TMEM183A: variants seen among roughly 807,000 people sequenced by gnomAD.
The protein encoded by TMEM183A is chromosome 1 open reading frame 37.
TMEM183A carries 21 observed loss-of-function variants against 46.7 expected under a neutral mutation model. The ratio of observed to expected loss-of-function variants is 0.45; its 90% CI spans 0.32 to 0.65. TMEM183A has a LOEUF of 0.65. Among genes scored for constraint, TMEM183A ranks in the 30% least tolerant of loss-of-function variants. The probability of loss-of-function intolerance (pLI) is 0.04; values close to 1 mark genes in which losing one functional copy is unlikely to be tolerated. For missense variants in TMEM183A, 331 were observed against 481.9 expected, an observed-to-expected ratio of 0.69 and a Z score of 2.93; for synonymous variants, 165 against 180.2, an observed-to-expected ratio of 0.92 and a Z score of 0.68.
At chr1:203,007,687 C>G in intron 1 of TMEM183A, 87 bp from the exon 2 acceptor site, 2 of 1,575,630 alleles carry the variant, frequency 1.3e-6, no homozygotes, top group South Asian at 1.1e-5. Flanking sequence ...CGGCTCGGTC[C>G]GGGGGCCTGC....
rs1234480241 is a variant in TMEM183A at position 203,016,017 on chromosome 1, G to T, written c.585G>T (p.Lys195Asn). 6.2e-7 allele frequency: 1 copy of T among 1,614,064 alleles called. No homozygotes were observed. Among genetic ancestry groups the T allele is most frequent in the Admixed American group, 1.7e-5 (1 of 60,024 alleles). Residue 195 changes from lysine (K) to asparagine (N), a missense_variant, in exon 5 of 8, where the codon AAG becomes AAT. By Grantham distance (94) the Lys-to-Asn change is moderately conservative. This residue lies in a region of TMEM183A where 233 missense variants were observed against 385.8 expected (regional missense o/e 0.60). Transcript: ENST00000367242. Reference protein sequence around the residue: ...PLRLRPESMEKLRCLRACVIR... With the variant: ...PLRLRPESMENLRCLRACVIR... ...GTCTGCGACCAGAGTCAATGGAGAA[G>T]CTGCGCTGTCTCCGGGCTTGTGTGA...
At chr1:203,021,027 CTTTTTTTT>C in intron 7 of TMEM183A, 79 bp downstream of exon 7, 1 of 697,318 alleles carries the variant, frequency 1.4e-6, no homozygotes, top group East Asian at 7.2e-5. Context: ...AACCGCAGCT[CTTTTTTTT>C]TTTTTTTTTT....
In TMEM183A at chr1:203,008,797, C is replaced by A. The variant is rs748181053; in HGVS notation, c.354C>A (p.Ser118Arg). The A allele has an allele frequency of 6.2e-7, 1 of 1,606,022 alleles. No individual in the cohort carries two copies. Among genetic ancestry groups the A allele is most frequent in the South Asian group, 1.1e-5 (1 of 89,806 alleles). ...HERTVSRKKK[S>R]KRHKEELDGA... ...GAACTGTCTCCAGAAAAAAGAAAAG[C>A]AAGAGACACAAAGGTATGGAGCTTG... is the stretch of plus-strand genomic sequence containing the variant. Residue 118 changes from serine to arginine, a missense_variant, in exon 3 of 8, where the codon AGC (serine) becomes AGA (arginine). This residue lies in a region of TMEM183A where 233 missense variants were observed against 385.8 expected (regional missense o/e 0.60). Transcript: ENST00000367242.
rs1174971319 is a variant in TMEM183A at position 203,008,672 on chromosome 1, C to T, written c.229C>T (p.Gln77Ter). ...ATCTCTTTGTGGCTTGGAAGCCTCT[C>T]AGGTTCCTGCAGAGGAAGCTCTTTC... ...VKSLCGLEAS[Q>*]VPAEEALSGA... The change falls in exon 3 of 8, where the codon CAG (glutamine) becomes TAG (stop). Residue 77 changes from glutamine (Q) to a stop codon, truncating the protein, a stop_gained. Coordinates refer to ENST00000367242, the MANE Select transcript of TMEM183A (RefSeq NM_138391.6). LOFTEE classifies it high-confidence loss of function. 6.3e-7 allele frequency: 1 copy of T among 1,583,156 alleles called. No individual in the cohort carries two copies. The highest frequency in any genetic ancestry group is 8.6e-7 in the Non-Finnish European group (1 of 1,166,544).
rs1656261983 is a variant in TMEM183A at position 203,008,812 on chromosome 1, T to G, written c.367+2T>G. The G allele has an allele frequency of 1.3e-6, 2 of 1,595,756 alleles. No individual in the cohort carries two copies. Among genetic ancestry groups the G allele is most frequent in the African/African-American group, 1.4e-5 (1 of 73,596 alleles). On this transcript the variant is annotated splice_donor_variant, in intron 3 of 7. Coordinates refer to ENST00000367242, the MANE Select transcript of TMEM183A (RefSeq NM_138391.6). LOFTEE classifies it high-confidence loss of function. ...AAAAGAAAAGCAAGAGACACAAAGG[T>G]ATGGAGCTTGTTCTCTTTTGGTTTA...
chr1:203,019,157 T>A (rs1243188641), intron 6 of TMEM183A, among the ~76,000 whole-genome samples: 1 of 152,208 alleles, frequency 6.6e-6, no homozygotes, highest in African/African-American at 2.4e-5. Context: ...ATTTTGGATT[T>A]TGGGTTTGTG....
intron 6 of TMEM183A, among the ~76,000 whole-genome samples, chr1:203,019,105 C>G (rs1408463235): frequency 6.6e-6 from 1 of 152,192 alleles, no homozygotes; most frequent in African/African-American, 2.4e-5. Context: ...CTGGAACTTT[C>G]TGAGTGGCAA....
intron 6 of TMEM183A, 115 bp downstream of exon 6, chr1:203,018,676 A>G: frequency 3.4e-6 from 4 of 1,180,746 alleles, no homozygotes; most frequent in Non-Finnish European, 4.8e-6. Context: ...TGGGTAACTT[A>G]AAAAGAACGA....
In TMEM183A at chr1:203,011,327, A is replaced by G. The variant is rs1302840218; in HGVS notation, c.367+2517A>G. On this transcript the variant is annotated intron_variant, in intron 3 of 7. Coordinates refer to ENST00000367242, the MANE Select transcript of TMEM183A (RefSeq NM_138391.6). ...TTATAATGGATGTGGATTGGTATCTATCTCCTTGTGGTTTTGATTTGCATT... is the reference window on the plus strand; with the variant it reads ...TTATAATGGATGTGGATTGGTATCTGTCTCCTTGTGGTTTTGATTTGCATT... Among the ~76,000 whole-genome samples the G allele has an allele frequency of 2.0e-5, 3 of 152,164 alleles. No homozygotes were observed. In the East Asian group the frequency reaches 5.8e-4, roughly 29 times the overall value.
At chr1:203,020,736 CTT>C in intron 6 of TMEM183A, 55 bp from the exon 7 acceptor site, 1 of 1,609,730 alleles carries the variant, frequency 6.2e-7, no homozygotes, top group Non-Finnish European at 8.5e-7. Context: ...TTGGTGGACT[CTT>C]AGAGCCATAT....
chr1:203,008,915 G>T, intron 3 of TMEM183A, 105 bp downstream of exon 3: 1 of 1,230,846 alleles, frequency 8.1e-7, no homozygotes, highest in African/African-American at 1.6e-5. Context: ...GTGATACCAG[G>T]AGAGTTTAAA....
At position 203,008,799 on chromosome 1, in the gene TMEM183A, A is replaced by G; in HGVS notation, c.356A>G (p.Lys119Arg). 1 of 1,607,032 alleles carries G rather than the reference A, an allele frequency of 6.2e-7. No individual in the cohort carries two copies. Among genetic ancestry groups the G allele is most frequent in the Non-Finnish European group, 8.5e-7 (1 of 1,176,998 alleles). Residue 119 changes from lysine to arginine, a missense_variant, in exon 3 of 8, where the codon AAG becomes AGG. Transcript: ENST00000367242. ...ERTVSRKKKSKRHKEELDGAG... is the reference protein window; with the variant it reads ...ERTVSRKKKSRRHKEELDGAG... ...ACTGTCTCCAGAAAAAAGAAAAGCAAGAGACACAAAGGTATGGAGCTTGTT... is the reference window on the plus strand; with the variant it reads ...ACTGTCTCCAGAAAAAAGAAAAGCAGGAGACACAAAGGTATGGAGCTTGTT...
intron 5 of TMEM183A, 183 bp downstream of exon 5, chr1:203,016,323 T>C: frequency 1.3e-6 from 1 of 762,142 alleles, no homozygotes; most frequent in South Asian, 1.8e-5. Flanking sequence ...GCTGGCTGGC[T>C]TATCTTACCT....
chr1:203,010,322 C>A (rs1487926600), intron 3 of TMEM183A, among the ~76,000 whole-genome samples: 1 of 152,100 alleles, frequency 6.6e-6, no homozygotes, highest in Non-Finnish European at 1.5e-5. Flanking sequence ...TATTGTTAGT[C>A]ATATCCCTCT....
At chr1:203,016,424 G>A (rs1657176721) in intron 5 of TMEM183A, among the ~76,000 whole-genome samples, 2 of 152,150 alleles carry the variant, frequency 1.3e-5, no homozygotes, top group African/African-American at 4.8e-5. Context: ...TAGATATAAT[G>A]GTTTTGATGG....
At chr1:203,015,809 G>A (rs1003665442) in intron 4 of TMEM183A, 151 bp from the exon 5 acceptor site, 31 of 955,260 alleles carry the variant, frequency 3.2e-5, no homozygotes, top group Middle Eastern at 2.2e-4. Context: ...CGTAAAAGTC[G>A]CCAAGAGGTC....
At chr1:203,015,298 C>CAA in intron 4 of TMEM183A, 1 of 535,940 alleles carries the variant, frequency 1.9e-6, no homozygotes, top group Non-Finnish European at 3.3e-6. Flanking sequence ...CGTCTTGCTT[C>CAA]AAGTCCCAGA....
At chr1:203,009,491 TA>T (rs1656341885) in intron 3 of TMEM183A, among the ~76,000 whole-genome samples, 1 of 152,204 alleles carries the variant, frequency 6.6e-6, no homozygotes, top group African/African-American at 2.4e-5. Flanking sequence ...TTTATTTATT[TA>T]TTTTTTTGAG....
At position 203,008,291 on chromosome 1, in the gene TMEM183A, T is replaced by C. The variant is rs138237123; in HGVS notation, c.200-352T>C. On this transcript the variant is annotated intron_variant, in intron 2 of 7. Transcript: ENST00000367242. ...CCTCCAGCTCAGGACCAGGATTAAATTGGATTCAATTTGTCTCAAACATTT... is the reference window on the plus strand; with the variant it reads ...CCTCCAGCTCAGGACCAGGATTAAACTGGATTCAATTTGTCTCAAACATTT... 2.6e-5 allele frequency among the ~76,000 whole-genome samples: 4 copies of C among 152,282 alleles called. No individual in the cohort carries two copies. In the East Asian group the frequency reaches 7.7e-4, roughly 29 times the overall value.
Sources: gnomAD v4.1 joint callset for allele counts (sites outside exome capture counted in the v4.1 genomes callset) on GRCh38, gnomAD v4.1.1 for gene constraint, gnomAD v4.1.1 regional missense constraint, MANE v1.5 for transcripts, NCBI Gene and HGNC (gene_info 2026-07-23, HGNC 2026-07-21) for gene names.